Variants in DAAM1 observed in about 807,000 individuals in gnomAD.
DAAM1 encodes dishevelled associated activator of morphogenesis 1, also known as disheveled-associated activator of morphogenesis 1.
Under a neutral mutation model 130.0 loss-of-function variants are expected in DAAM1, and 52 were observed. That is an observed-to-expected ratio of 0.40 (90% CI 0.32 to 0.50). The LOEUF (loss-of-function observed/expected upper bound fraction) is 0.50, where lower values mean the gene tolerates loss of function less well. Ranked by LOEUF, DAAM1 falls within the 20% of genes least tolerant of loss-of-function variation. The probability of loss-of-function intolerance (pLI) is 0.61; values close to 1 mark genes in which losing one functional copy is unlikely to be tolerated. For missense variants in DAAM1, 1,134 were observed against 1,303.8 expected (o/e 0.87, Z 2.01); for synonymous variants, 452 against 444.5 (o/e 1.02, Z -0.21).
chr14:59,298,861 C>G (rs1884060943), intron 3 of DAAM1, among the ~76,000 whole-genome samples: 1 of 152,228 alleles, frequency 6.6e-6, no homozygotes, highest in South Asian at 2.1e-4. Flanking sequence ...ACCACCCCTG[C>G]CTTGTGTATC....
chr14:59,314,516 G>T (rs1464269461), intron 3 of DAAM1, among the ~76,000 whole-genome samples: 2 of 151,402 alleles, frequency 1.3e-5, no homozygotes, highest in Non-Finnish European at 2.9e-5. Flanking sequence ...CTTCAGGTTG[G>T]CACAGATCTC....
intron 1 of DAAM1, among the ~76,000 whole-genome samples, chr14:59,250,176 T>C (rs1298705003): frequency 6.6e-6 from 1 of 152,216 alleles, no homozygotes; most frequent in Admixed American, 6.5e-5. Flanking sequence ...ATAACGGCTT[T>C]AGTGAACTAC....
At chr14:59,256,932 A>G (rs998656258) in intron 1 of DAAM1, among the ~76,000 whole-genome samples, 3 of 152,162 alleles carry the variant, frequency 2.0e-5, no homozygotes, top group South Asian at 4.1e-4. Flanking sequence ...TGAATATAAG[A>G]TATTGGGGAA....
chr14:59,345,631 G>T (rs951022051), intron 16 of DAAM1, among the ~76,000 whole-genome samples: 6 of 152,228 alleles, frequency 3.9e-5, no homozygotes, highest in East Asian at 1.9e-4. Context: ...GCCTCATCCA[G>T]CTTCACCTGG....
intron 1 of DAAM1, among the ~76,000 whole-genome samples, chr14:59,235,549 CTA>C (rs778025411): frequency 2.0e-5 from 3 of 152,004 alleles, no homozygotes; most frequent in Non-Finnish European, 4.4e-5. Flanking sequence ...ATTAGTCTAG[CTA>C]GTGGTCTATC....
In DAAM1 at chr14:59,370,829, A is replaced by G. The variant is rs1034076510; in HGVS notation, c.*1970A>G. 2 of 152,110 alleles carry G rather than the reference A, an allele frequency of 1.3e-5. No individual in the cohort carries two copies. The highest frequency in any genetic ancestry group is 4.8e-5 in the African/African-American group (2 of 41,424). 9.4% of individuals were successfully genotyped at this position (152,110 alleles called of 1,614,324 possible). A position where few individuals can be genotyped will look rare whatever the true frequency, so the allele number is the denominator to read the frequency against. ...TTCCTTAACTAAAGTGCCTCTATGT[A>G]TATTCTTTTCTATTTGTAGCAGGAT... is the stretch of plus-strand genomic sequence containing the variant. On this transcript the variant is annotated 3_prime_UTR_variant, in exon 25 of 25. Coordinates refer to ENST00000360909, the MANE Select transcript of DAAM1 (RefSeq NM_001270520.2).
intron 16 of DAAM1, among the ~76,000 whole-genome samples, chr14:59,341,164 G>A (rs969802776): frequency 2.6e-5 from 4 of 152,296 alleles, no homozygotes; most frequent in African/African-American, 9.6e-5. Flanking sequence ...TTTTAATGAA[G>A]AGAAATTTAA....
intron 1 of DAAM1, among the ~76,000 whole-genome samples, chr14:59,208,972 G>A (rs904348619): frequency 6.6e-6 from 1 of 152,160 alleles, no homozygotes; most frequent in Non-Finnish European, 1.5e-5. Flanking sequence ...CAGAAGTCCA[G>A]CCCTGTTGCT....
chr14:59,358,355 G>C (rs1470742958), intron 20 of DAAM1, among the ~76,000 whole-genome samples: 1 of 152,236 alleles, frequency 6.6e-6, no homozygotes, highest in Non-Finnish European at 1.5e-5. Flanking sequence ...CACCACCAGA[G>C]AGGGAGCTGG....
At chr14:59,321,341 C>T (rs1439613155) in intron 5 of DAAM1, among the ~76,000 whole-genome samples, 8 of 152,176 alleles carry the variant, frequency 5.3e-5, no homozygotes, top group African/African-American at 1.9e-4. Context: ...GGTGATTAAA[C>T]TGTTCTAAAA....
intron 1 of DAAM1, among the ~76,000 whole-genome samples, chr14:59,233,555 A>T (rs1227144013): frequency 6.6e-6 from 1 of 152,072 alleles, no homozygotes; most frequent in Non-Finnish European, 1.5e-5. Context: ...AAATGGGTAG[A>T]TTGCAAACAT....
intron 1 of DAAM1, among the ~76,000 whole-genome samples, chr14:59,243,595 C>T (rs1382716246): frequency 6.6e-6 from 1 of 152,174 alleles, no homozygotes; most frequent in Non-Finnish European, 1.5e-5. Context: ...ACTTTTATCT[C>T]TGATCCCTCA....
Position 59,353,497 on chromosome 14 carries a change from G to T in DAAM1, c.2268-379G>T, listed in dbSNP as rs574749781. 2.6e-5 allele frequency among the ~76,000 whole-genome samples: 4 copies of T among 152,322 alleles called. No homozygotes were observed. The South Asian group carries it at 8.3e-4, about 32-fold the overall frequency. ...GGAACTGTCCTTTATTTGCAGTAGG[G>T]TATTCTTTACATTTTCATTCCCTTT... On this transcript the variant is annotated intron_variant, in intron 18 of 24. Coordinates refer to ENST00000360909, the MANE Select transcript of DAAM1 (RefSeq NM_001270520.2).
At chr14:59,304,275 T>A (rs1254449115) in intron 3 of DAAM1, among the ~76,000 whole-genome samples, 1 of 152,242 alleles carries the variant, frequency 6.6e-6, no homozygotes, top group Non-Finnish European at 1.5e-5. Context: ...CTATATATAT[T>A]TTTTCACTAA....
intron 1 of DAAM1, among the ~76,000 whole-genome samples, chr14:59,228,690 A>G: frequency 6.6e-6 from 1 of 152,106 alleles, no homozygotes; most frequent in Admixed American, 6.6e-5. Context: ...GCTTTTTCTT[A>G]TTCTCCACTC....
At chr14:59,263,332 GCA>G in intron 1 of DAAM1, 107 bp from the exon 2 acceptor site, 1 of 874,172 alleles carries the variant, frequency 1.1e-6, no homozygotes, top group Non-Finnish European at 1.8e-6. Context: ...CCTGCAGGGC[GCA>G]CACAGTGTCG....
At chr14:59,281,815 C>A (rs1489086385) in intron 2 of DAAM1, among the ~76,000 whole-genome samples, 1 of 152,070 alleles carries the variant, frequency 6.6e-6, no homozygotes, top group Non-Finnish European at 1.5e-5. Context: ...TAGAGTCCTG[C>A]CTGCTTGATT....
intron 5 of DAAM1, 34 bp downstream of exon 5, chr14:59,320,618 T>TTC: frequency 6.7e-7 from 1 of 1,481,634 alleles, no homozygotes; most frequent in Non-Finnish European, 9.1e-7. Context: ...TTTTTTTTTT[T>TTC]TCTCTCCTTC....
intron 2 of DAAM1, among the ~76,000 whole-genome samples, chr14:59,277,979 GT>G (rs1220327067): frequency 6.6e-6 from 1 of 151,996 alleles, no homozygotes; most frequent in Non-Finnish European, 1.5e-5. Flanking sequence ...TATATACTAT[GT>G]TTTTTTCCTA....
Sources: allele counts gnomAD v4.1 joint callset (sites outside exome capture counted in the v4.1 genomes callset), GRCh38; gene constraint gnomAD v4.1.1; transcripts MANE v1.5; gene names NCBI Gene and HGNC (gene_info 2026-07-23, HGNC 2026-07-21).